Variants in CNTNAP4 observed in about 807,000 individuals in gnomAD.
The protein encoded by CNTNAP4 is contactin associated protein family member 4.
A neutral mutation model predicts 148.4 loss-of-function variants in CNTNAP4; 98 were observed. The ratio of observed to expected loss-of-function variants is 0.66; its 90% CI spans 0.56 to 0.78. CNTNAP4 has a LOEUF of 0.78. Ranked by LOEUF, CNTNAP4 falls within the 30% of genes least tolerant of loss-of-function variation. CNTNAP4 has a pLI of 0.00. For synonymous variants in CNTNAP4, 730 were observed against 565.1 expected, an observed-to-expected ratio of 1.29 and a Z score of -4.14; for missense variants, 1,935 against 1,565.6, an observed-to-expected ratio of 1.24 and a Z score of -3.98.
At chr16:76,500,434 A>G (rs986376325) in intron 15 of CNTNAP4, among the ~76,000 whole-genome samples, 3 of 152,250 alleles carry the variant, frequency 2.0e-5, no homozygotes, top group African/African-American at 7.2e-5. Context: ...AGTACATTCC[A>G]GCATTCCTGA....
At chr16:76,341,720 G>T (rs1964483590) in intron 2 of CNTNAP4, among the ~76,000 whole-genome samples, 1 of 152,036 alleles carries the variant, frequency 6.6e-6, no homozygotes, top group Non-Finnish European at 1.5e-5. Context: ...TAGAAAAATA[G>T]ATTTAGTCTT....
At chr16:76,449,621 T>C in intron 6 of CNTNAP4, 94 bp from the exon 7 acceptor site, 1 of 1,048,724 alleles carries the variant, frequency 9.5e-7, no homozygotes, top group South Asian at 1.9e-5. Context: ...AATTGATCTG[T>C]GTGTGATGAT....
At chr16:76,476,090 T>A (rs1257915324) in intron 11 of CNTNAP4, 45 bp downstream of exon 11, 1 of 1,331,554 alleles carries the variant, frequency 7.5e-7, no homozygotes, top group African/African-American at 1.4e-5. Flanking sequence ...TGATGGTTTC[T>A]TTGTCCCATT....
At chr16:76,472,768 C>G (rs992320158) in intron 10 of CNTNAP4, among the ~76,000 whole-genome samples, 2 of 151,972 alleles carry the variant, frequency 1.3e-5, no homozygotes, top group African/African-American at 4.8e-5. Context: ...CTCATAGACA[C>G]AAAAAGGGGA....
chr16:76,438,704 A>T (rs2079925423), intron 4 of CNTNAP4, among the ~76,000 whole-genome samples: 1 of 151,966 alleles, frequency 6.6e-6, no homozygotes, highest in Admixed American at 6.6e-5. Flanking sequence ...CACTCCTAAC[A>T]GGCCTCATCC....
intron 4 of CNTNAP4, among the ~76,000 whole-genome samples, chr16:76,436,507 A>G (rs1252789388): frequency 1.3e-5 from 2 of 152,008 alleles, no homozygotes; most frequent in Admixed American, 6.6e-5. Context: ...AGGAGATAAG[A>G]CTCTGACTCG....
intron 15 of CNTNAP4, among the ~76,000 whole-genome samples, chr16:76,503,788 T>C (rs1048338562): frequency 2.0e-5 from 3 of 152,040 alleles, no homozygotes; most frequent in Non-Finnish European, 2.9e-5. Context: ...GTTTGGTTTT[T>C]TGTCTTTGCG....
chr16:76,332,991 T>G (rs1963673300), intron 2 of CNTNAP4, among the ~76,000 whole-genome samples: 1 of 152,216 alleles, frequency 6.6e-6, no homozygotes, highest in African/African-American at 2.4e-5. Flanking sequence ...CCCAGAGTTT[T>G]GGGAATTACT....
At chr16:76,318,768 TAA>T (rs1962090128) in intron 2 of CNTNAP4, among the ~76,000 whole-genome samples, 1 of 138,046 alleles carries the variant, frequency 7.2e-6, no homozygotes, top group African/African-American at 2.9e-5. Flanking sequence ...TTCATAATAA[TAA>T]TCATAATCAT....
At chr16:76,371,099 G>T (rs1042052079) in intron 3 of CNTNAP4, among the ~76,000 whole-genome samples, 1 of 152,024 alleles carries the variant, frequency 6.6e-6, no homozygotes, top group Non-Finnish European at 1.5e-5. Flanking sequence ...ATCAATTATC[G>T]ATTCAATTCT....
At chr16:76,554,930 T>C (rs2085127284) in intron 23 of CNTNAP4, among the ~76,000 whole-genome samples, 1 of 151,984 alleles carries the variant, frequency 6.6e-6, no homozygotes, top group African/African-American at 2.4e-5. Flanking sequence ...TAGTTCTCTT[T>C]CCCATTTCTC....
At chr16:76,339,980 CTGAG>C (rs1454143020) in intron 2 of CNTNAP4, among the ~76,000 whole-genome samples, 1 of 152,102 alleles carries the variant, frequency 6.6e-6, no homozygotes, top group South Asian at 2.1e-4. Flanking sequence ...GAAGTCCTGG[CTGAG>C]TGAGAGGCAT....
intron 4 of CNTNAP4, among the ~76,000 whole-genome samples, 163 bp downstream of exon 4, chr16:76,427,762 T>A (rs1437247455): frequency 1.3e-5 from 2 of 152,244 alleles, no homozygotes; most frequent in Non-Finnish European, 2.9e-5. Context: ...ATGCCAATAT[T>A]GACTTTCATG....
chr16:76,536,147 G>T (rs1197959500), intron 18 of CNTNAP4, among the ~76,000 whole-genome samples: 1 of 151,948 alleles, frequency 6.6e-6, no homozygotes, highest in Non-Finnish European at 1.5e-5. Context: ...TCAGCAACCT[G>T]CCCCATGGGG....
chr16:76,302,165 C>T (rs1238766666), intron 1 of CNTNAP4, among the ~76,000 whole-genome samples: 1 of 152,084 alleles, frequency 6.6e-6, no homozygotes, highest in African/African-American at 2.4e-5. Context: ...CTTCAGCTAC[C>T]ATGGACTTCA....
intron 3 of CNTNAP4, among the ~76,000 whole-genome samples, chr16:76,357,321 A>T (rs953010615): frequency 6.6e-6 from 1 of 152,170 alleles, no homozygotes; most frequent in African/African-American, 2.4e-5. Flanking sequence ...GTATTTTTTT[A>T]AAAAGTGATC....
rs1229156973 is a variant in CNTNAP4, at chr16:76,553,373, C to T, written c.3533C>T (p.Pro1178Leu). 3 of 1,612,818 alleles carry T rather than the reference C, an allele frequency of 1.9e-6. No individual in the cohort carries two copies. Among genetic ancestry groups the T allele is most frequent in the East Asian group, 4.5e-5 (2 of 44,828 alleles). The part of the protein sequence containing the change: ...LSAVQLSHVA[P>L]LKAALHPSHP... ...GCAGTGCAGCTCAGCCACGTGGCCC[C>T]TCTGAAGGCAGCTCTGCACCCCAGC... Residue 1178 changes from proline (P) to leucine (L), a missense_variant, in exon 22 of 24, where the codon CCT becomes CTT. Pro to Leu is a moderately conservative substitution (Grantham distance 98, BLOSUM62 -3). Coordinates refer to ENST00000611870, the MANE Select transcript of CNTNAP4 (RefSeq NM_033401.5).
chr16:76,417,605 T>C (rs8052867), intron 3 of CNTNAP4, among the ~76,000 whole-genome samples: 57,652 of 151,274 alleles, frequency 0.38, 11,170 homozygotes, highest in Middle Eastern at 0.48. Flanking sequence ...TGATTATTAT[T>C]GTAAATGTTT....
At chr16:76,363,236 C>G (rs945906885) in intron 3 of CNTNAP4, among the ~76,000 whole-genome samples, 1 of 150,832 alleles carries the variant, frequency 6.6e-6, no homozygotes, top group African/African-American at 2.4e-5. Context: ...GATCCCGGCT[C>G]ATTGCAACTT....
Sources: gnomAD v4.1 joint callset for allele counts (sites outside exome capture counted in the v4.1 genomes callset) on GRCh38, gnomAD v4.1.1 for gene constraint, MANE v1.5 for transcripts, NCBI Gene and HGNC (gene_info 2026-07-23, HGNC 2026-07-21) for gene names.